The following SAP30BP variants were observed in gnomAD, a reference collection of about 807,000 sequenced individuals.
SAP30BP encodes SAP30 binding protein, also known as SAP30-binding protein.
In SAP30BP, 31 loss-of-function variants were observed where a neutral mutation model predicts 46.3. The ratio of observed to expected loss-of-function variants is 0.67; its 90% CI spans 0.50 to 0.90. SAP30BP has a LOEUF of 0.90. Among genes scored for constraint, SAP30BP ranks in the 40% least tolerant of loss-of-function variants. The probability of loss-of-function intolerance (pLI) is 0.00; values close to 1 mark genes in which losing one functional copy is unlikely to be tolerated. For synonymous variants in SAP30BP, 169 were observed against 144.2 expected (o/e 1.17, Z -1.23); for missense variants, 312 against 391.0 (o/e 0.80, Z 1.70).
In SAP30BP at chr17:75,685,108, CAG is replaced by C. The variant is rs1273492517; in HGVS notation, c.265-8331_265-8330del. Among the ~76,000 whole-genome samples the C allele has an allele frequency of 2.0e-5, 3 of 152,202 alleles. No individual in the cohort carries two copies. The East Asian group carries it at 5.8e-4, about 29-fold the overall frequency. Reference sequence around the variant, plus strand: ...CTCACTCCTGTGGTTCCACAGCCCACAGGGAGCCACCGCGTGTCTGGTACACC... The same window carrying C: ...CTCACTCCTGTGGTTCCACAGCCCACGGAGCCACCGCGTGTCTGGTACACC... On this transcript the variant is annotated intron_variant, in intron 3 of 10. Coordinates refer to ENST00000584667, the MANE Select transcript of SAP30BP (RefSeq NM_013260.8).
At chr17:75,668,257 A>T (rs549782450) in intron 1 of SAP30BP, 12 of 421,338 alleles carry the variant, frequency 2.8e-5, no homozygotes, top group African/African-American at 2.1e-4. Context: ...TTTAGTGTTT[A>T]TCTAGTGTTT....
chr17:75,667,573 C>A, intron 1 of SAP30BP, 95 bp downstream of exon 1: 2 of 1,128,714 alleles, frequency 1.8e-6, no homozygotes, highest in South Asian at 1.3e-5. Flanking sequence ...GGTCATTGTG[C>A]TCCAAGCACC....
intron 3 of SAP30BP, among the ~76,000 whole-genome samples, chr17:75,682,701 T>G (rs138220710): frequency 3.9e-5 from 6 of 152,036 alleles, no homozygotes; most frequent in African/African-American, 1.4e-4. Flanking sequence ...CAGTGGCTCA[T>G]GCCTGTAATC....
In SAP30BP at chr17:75,674,690, G is replaced by GTTTTTTTTTTTTTTTTTTTTTT. The variant is rs1287087489; in HGVS notation, c.264+2833_264+2834insTTTTTTTTTTTTTTTTTTTTTT. Among the ~76,000 whole-genome samples, 34 of 39,570 alleles carry GTTTTTTTTTTTTTTTTTTTTTT rather than the reference G, an allele frequency of 8.6e-4. 8 individuals carry two copies. The highest frequency in any genetic ancestry group is 2.0e-3 in the African/African-American group (30 of 15,090). The allele number at this position is 39,570 out of a possible 152,430, so 26.0% of individuals were successfully genotyped here. A position where few individuals can be genotyped will look rare whatever the true frequency, so the allele number is the denominator to read the frequency against. ...TTAAGCATATGAAGTTTTTTTGTTT[G>GTTTTTTTTTTTTTTTTTTTTTT]TTTTTTGTTTTTTTTTTTTTTTTTT... On this transcript the variant is annotated intron_variant, in intron 3 of 10. Transcript: ENST00000584667.
chr17:75,697,007 G>C (rs895148687), intron 4 of SAP30BP, among the ~76,000 whole-genome samples: 3 of 152,040 alleles, frequency 2.0e-5, no homozygotes, highest in Non-Finnish European at 4.4e-5. Context: ...TCGATCTCCT[G>C]ACCTTGTGAT....
chr17:75,703,944 A>G, intron 8 of SAP30BP, 85 bp downstream of exon 8: 1 of 1,012,428 alleles, frequency 9.9e-7, no homozygotes, highest in Non-Finnish European at 1.6e-6. Flanking sequence ...CAGGTGACAC[A>G]TATTTCAGGG....
intron 6 of SAP30BP, 62 bp from the exon 7 acceptor site, chr17:75,703,249 G>T (rs2148420932): frequency 6.7e-7 from 1 of 1,489,926 alleles, no homozygotes; most frequent in South Asian, 1.1e-5. Flanking sequence ...GGAGCTGGAT[G>T]GTTCAGGTCC....
At chr17:75,700,084 T>C (rs2060385065) in intron 5 of SAP30BP, 1 of 390,948 alleles carries the variant, frequency 2.6e-6, no homozygotes, top group Non-Finnish European at 4.7e-6. Flanking sequence ...TGTCCCGTGG[T>C]GCTGCTCCAG....
intron 6 of SAP30BP, 44 bp from the exon 7 acceptor site, chr17:75,703,267 G>C (rs762009286): frequency 5.0e-6 from 8 of 1,596,210 alleles, no homozygotes; most frequent in Middle Eastern, 1.7e-4. Flanking sequence ...TCCCATGCAG[G>C]GACGTGGACT....
chr17:75,683,884 T>C (rs2060120914), intron 3 of SAP30BP: 2 of 152,246 alleles, frequency 1.3e-5, no homozygotes, highest in Admixed American at 1.3e-4. Flanking sequence ...CCATGGACTC[T>C]AGAGCTGTTT....
At chr17:75,680,768 T>C (rs1017128360) in intron 3 of SAP30BP, among the ~76,000 whole-genome samples, 1 of 152,170 alleles carries the variant, frequency 6.6e-6, no homozygotes, top group African/African-American at 2.4e-5. Flanking sequence ...GTGTGGTAGC[T>C]CAAGCCTGTA....
chr17:75,684,428 G>A (rs2060128019), intron 3 of SAP30BP: 1 of 152,144 alleles, frequency 6.6e-6, no homozygotes, highest in Admixed American at 6.5e-5. Flanking sequence ...TCTTTTGAGT[G>A]CTGATTAGAA....
intron 8 of SAP30BP, 115 bp downstream of exon 8, chr17:75,703,974 T>C: frequency 1.2e-6 from 1 of 825,716 alleles, no homozygotes; most frequent in Non-Finnish European, 2.1e-6. Context: ...TGTCAGGCCA[T>C]GTTCAAGGGG....
intron 3 of SAP30BP, among the ~76,000 whole-genome samples, chr17:75,685,341 G>T (rs1277860120): frequency 6.6e-6 from 1 of 152,176 alleles, no homozygotes; most frequent in Non-Finnish European, 1.5e-5. Flanking sequence ...CTGAAATGCT[G>T]CTGTGTGATT....
chr17:75,671,701 G>T, intron 2 of SAP30BP, 115 bp from the exon 3 acceptor site: 1 of 767,652 alleles, frequency 1.3e-6, no homozygotes, highest in Non-Finnish European at 2.4e-6. Context: ...AGGGATTCTT[G>T]GTGGGATGAC....
chr17:75,687,917 G>GGTGTGTGTGTGTGTGTGTGT (rs68006166), intron 3 of SAP30BP, among the ~76,000 whole-genome samples: 5 of 120,364 alleles, frequency 4.2e-5, no homozygotes, highest in African/African-American at 1.5e-4. Context: ...CAGTGTTTGG[G>GGTGTGTGTGTGTGTGTGTGT]GTGTGTGTGT....
At chr17:75,701,935 A>T (rs536939938) in intron 5 of SAP30BP, among the ~76,000 whole-genome samples, 1 of 152,286 alleles carries the variant, frequency 6.6e-6, no homozygotes, top group East Asian at 1.9e-4. Flanking sequence ...AGCGTCAGGA[A>T]ACCTCAGCAG....
chr17:75,693,449 G>A lies in SAP30BP; in HGVS notation c.274G>A (p.Glu92Lys). 10 of 1,614,002 alleles carry A rather than the reference G, an allele frequency of 6.2e-6. No homozygotes were observed. Among genetic ancestry groups the A allele is most frequent in the African/African-American group, 1.3e-5 (1 of 75,050 alleles). Residue 92 changes from glutamate (E) to lysine (K), a missense_variant, in exon 4 of 11, where the codon GAA (glutamate) becomes AAA (lysine). By Grantham distance (56) the Glu-to-Lys change is moderately conservative. This residue lies in a region of SAP30BP where 296 missense variants were observed against 346.6 expected (regional missense o/e 0.85). Coordinates refer to ENST00000584667, the MANE Select transcript of SAP30BP (RefSeq NM_013260.8). Reference protein sequence around the residue: ...PEADDPKDNTEAEKRDPQELV... With the variant: ...PEADDPKDNTKAEKRDPQELV... ...TGTTTGTCTTTTGCAGGATAATACA[G>A]AAGCAGAAAAGCGAGACCCCCAGGA...
In SAP30BP at chr17:75,667,406, G is replaced by T. The variant is rs1599074357; in HGVS notation, c.34G>T (p.Ala12Ser). 2 of 1,614,200 alleles carry T rather than the reference G, an allele frequency of 1.2e-6. No homozygotes were observed. Among genetic ancestry groups the T allele is most frequent in the Non-Finnish European group, 1.7e-6 (2 of 1,180,040 alleles). Residue 12 changes from alanine (A) to serine (S), a missense_variant, in exon 1 of 11, where the codon GCA becomes TCA. Physicochemically the swap from Ala to Ser is moderately conservative, Grantham distance 99 (BLOSUM62 1). This residue lies in a region of SAP30BP where 296 missense variants were observed against 346.6 expected (regional missense o/e 0.85). Coordinates refer to ENST00000584667, the MANE Select transcript of SAP30BP (RefSeq NM_013260.8). ...AGKKNVLSSL[A>S]VYAEDSEPES... ...GAAGAAGAATGTTCTGTCGTCTCTC[G>T]CAGTTTACGCGGAAGATTCAGAGCC...
Sources: gnomAD v4.1 joint callset for allele counts (sites outside exome capture counted in the v4.1 genomes callset) on GRCh38, gnomAD v4.1.1 for gene constraint, gnomAD v4.1.1 regional missense constraint, MANE v1.5 for transcripts, NCBI Gene and HGNC (gene_info 2026-07-23, HGNC 2026-07-21) for gene names.